The following IL25 variants were observed in gnomAD, a reference collection of about 807,000 sequenced individuals.
IL25 encodes the protein interleukin 25.
Under a neutral mutation model 13.2 loss-of-function variants are expected in IL25, and 10 were observed. That is an observed-to-expected ratio of 0.76 (90% confidence interval 0.47 to 1.29). The LOEUF (loss-of-function observed/expected upper bound fraction) is 1.29, where lower values mean the gene tolerates loss of function less well. Ranked by LOEUF, IL25 falls within the 50% of genes most tolerant of loss-of-function variation. The probability of loss-of-function intolerance (pLI) is 0.00; values close to 1 mark genes in which losing one functional copy is unlikely to be tolerated. For synonymous variants in IL25, 107 were observed against 92.1 expected (o/e 1.16, Z -0.93); for missense variants, 235 against 232.4 (o/e 1.01, Z -0.07).
At position 23,373,163 on chromosome 14, in the gene IL25, C is replaced by T. The variant is rs1383896905; in HGVS notation, c.45C>T (p.Ser15=). Residue 15 remains serine, a synonymous_variant, in exon 1 of 2, where the codon AGC becomes AGT. Coordinates refer to ENST00000329715, the Ensembl canonical transcript of IL25. Reference sequence around the variant, plus strand: ...TAGGTGAGGACAGTTCTCTCATTAGCCTTTTCCTACAGGTGGTTGCATTCT... The same window carrying T: ...TAGGTGAGGACAGTTCTCTCATTAGTCTTTTCCTACAGGTGGTTGCATTCT... 1 of 1,614,194 alleles carries T rather than the reference C, an allele frequency of 6.2e-7. No individual in the cohort carries two copies. The highest frequency in any genetic ancestry group is 1.1e-5 in the South Asian group (1 of 91,084).
chr14:23,373,359 C>A (rs771514237), exon 1 of IL25: 1 of 1,613,658 alleles, frequency 6.2e-7, no homozygotes, highest in Non-Finnish European at 8.5e-7. Context: ...TGAAGATGGA[C>A]CCCTCAACAG....
chr14:23,375,507 T>A (rs1234542518), intron 1 of IL25, 118 bp from the exon 3 acceptor site: 2 of 1,281,438 alleles, frequency 1.6e-6, no homozygotes, highest in Non-Finnish European at 2.2e-6. Context: ...GGTTCAGAAC[T>A]GAGACAAGAG....
chr14:23,373,753 A>G (rs1262896563), intron 1 of IL25, among the ~76,000 whole-genome samples: 1 of 152,168 alleles, frequency 6.6e-6, no homozygotes, highest in Non-Finnish European at 1.5e-5. Context: ...TTTTCTGGGT[A>G]AAATATTAGG....
At chr14:23,374,312 G>A (rs1890483875) in intron 1 of IL25, among the ~76,000 whole-genome samples, 1 of 152,172 alleles carries the variant, frequency 6.6e-6, no homozygotes, top group African/African-American at 2.4e-5. Flanking sequence ...CCCCTTGCTG[G>A]GAGTCTGTGA....
At chr14:23,374,035 A>G (rs927476891) in intron 1 of IL25, among the ~76,000 whole-genome samples, 13 of 152,248 alleles carry the variant, frequency 8.5e-5, no homozygotes, top group African/African-American at 2.9e-4. Context: ...GAAGCAAAAT[A>G]TTAAAAACTA....
intron 1 of IL25, among the ~76,000 whole-genome samples, chr14:23,374,048 G>T (rs1258551358): frequency 6.6e-6 from 1 of 152,158 alleles, no homozygotes; most frequent in Non-Finnish European, 1.5e-5. Flanking sequence ...AAAAACTAGG[G>T]TCTTAGGGAT....
chr14:23,374,392 T>A (rs1324592295), intron 1 of IL25, among the ~76,000 whole-genome samples: 1 of 152,192 alleles, frequency 6.6e-6, no homozygotes. Flanking sequence ...GAGCTGCTTC[T>A]CAGAAAAAAG....
At chr14:23,375,783 A>G (rs373242042) in exon 2 of IL25, 1 of 1,614,234 alleles carries the variant, frequency 6.2e-7, no homozygotes, top group Non-Finnish European at 8.5e-7. Flanking sequence ...CGGCCATGCC[A>G]TGGCGAGAAG....
At chr14:23,375,543 C>T in intron 1 of IL25, 82 bp from the exon 3 acceptor site, 1 of 1,531,730 alleles carries the variant, frequency 6.5e-7, no homozygotes, top group Non-Finnish European at 8.9e-7. Flanking sequence ...GGACCATTTC[C>T]TTCTTCTGGC....
Position 23,374,430 on chromosome 14 carries a change from G to T in IL25, c.278+1034G>T, listed in dbSNP as rs144947552. ...ATGCCAGGTAAACTTGGGAAAGACT[G>T]CTGTATCTCCTACCCCTTGGAGATT... On this transcript the variant is annotated intron_variant, in intron 1 of 1. Coordinates refer to ENST00000329715, the Ensembl canonical transcript of IL25. 8.5e-5 allele frequency among the ~76,000 whole-genome samples: 13 copies of T among 152,344 alleles called. No homozygotes were observed. In the East Asian group the frequency reaches 1.5e-3, roughly 18 times the overall value.
At chr14:23,376,351 C>A (rs1787108684) in exon 2 of IL25, 3 of 165,662 alleles carry the variant, frequency 1.8e-5, no homozygotes, top group South Asian at 3.5e-4. Flanking sequence ...GAGGAGGAAG[C>A]TGTTATTGAA....
chr14:23,374,671 G>C (rs1890490221), intron 1 of IL25, among the ~76,000 whole-genome samples: 2 of 152,178 alleles, frequency 1.3e-5, no homozygotes, highest in South Asian at 4.2e-4. Flanking sequence ...CAGACTAATG[G>C]AGTCGCAGAC....
chr14:23,375,352 A>G lies in IL25; in HGVS notation c.279-273A>G, dbSNP rs557855261. On this transcript the variant is annotated intron_variant, in intron 1 of 1. Coordinates refer to ENST00000329715, the Ensembl canonical transcript of IL25. ...GAAGCAGTGCTGGTCAATGGAGGCTAAGGCAGGAGCCTGCTCACCCTCCCC... is the reference window on the plus strand; with the variant it reads ...GAAGCAGTGCTGGTCAATGGAGGCTGAGGCAGGAGCCTGCTCACCCTCCCC... Among the ~76,000 whole-genome samples the G allele has an allele frequency of 3.3e-5, 5 of 152,344 alleles. No individual in the cohort carries two copies. The South Asian group carries it at 1.0e-3, about 32-fold the overall frequency.
chr14:23,373,250 G>T (rs765836679), exon 1 of IL25: 28 of 1,614,178 alleles, frequency 1.7e-5, no homozygotes, highest in Non-Finnish European at 2.0e-5. Context: ...CCAGCAAAGG[G>T]CAGGACACCT....
At chr14:23,375,659 C>T (rs747685813) in exon 2 of IL25, 2 of 1,614,116 alleles carry the variant, frequency 1.2e-6, no homozygotes, top group Admixed American at 3.3e-5. Context: ...CCCCCAGGAC[C>T]TGTACCACGC....
chr14:23,374,433 G>A (rs11465509), intron 1 of IL25, among the ~76,000 whole-genome samples: 6,629 of 152,290 alleles, frequency 0.044, 473 homozygotes, highest in African/African-American at 0.15. Flanking sequence ...AAAGACTGCT[G>A]TATCTCCTAC....
At chr14:23,374,397 A>G (rs1890485001) in intron 1 of IL25, among the ~76,000 whole-genome samples, 1 of 152,218 alleles carries the variant, frequency 6.6e-6, no homozygotes, top group African/African-American at 2.4e-5. Flanking sequence ...GCTTCTCAGA[A>G]AAAAGTGATG....
At chr14:23,375,687 A>G (rs779957438) in exon 2 of IL25, 2 of 1,613,992 alleles carry the variant, frequency 1.2e-6, no homozygotes, top group Non-Finnish European at 1.7e-6. Context: ...CTGTGCCCGC[A>G]CTGCGTCAGC....
exon 2 of IL25, chr14:23,375,854 T>C (rs779378052): frequency 1.2e-6 from 2 of 1,614,202 alleles, no homozygotes; most frequent in South Asian, 1.1e-5. Context: ...AGCTTGTGTG[T>C]GTGTGCGGCC....
Sources: allele counts gnomAD v4.1 joint callset (sites outside exome capture counted in the v4.1 genomes callset), GRCh38; gene constraint gnomAD v4.1.1; transcripts MANE v1.5; gene names NCBI Gene and HGNC (gene_info 2026-07-23, HGNC 2026-07-21).